The following BMP1 variants were observed in gnomAD, a reference collection of about 807,000 sequenced individuals.
BMP1 encodes the protein bone morphogenetic protein 1.
Under a neutral mutation model 116.8 loss-of-function variants are expected in BMP1, and 63 were observed. The ratio of observed to expected loss-of-function variants is 0.54; its 90% CI spans 0.44 to 0.67. The LOEUF is 0.67. Ranked by LOEUF, BMP1 falls within the 30% of genes least tolerant of loss-of-function variation. The pLI, the probability that BMP1 is intolerant of heterozygous loss-of-function variation, is 0.00. For missense variants in BMP1, 1,183 were observed against 1,358.9 expected (o/e 0.87, Z 2.04); for synonymous variants, 536 against 533.4 (o/e 1.00, Z -0.07).
At chr8:22,211,463 C>G in intron 19 of BMP1, 131 bp from the exon 20 acceptor site, 1 of 1,303,480 alleles carries the variant, frequency 7.7e-7, no homozygotes. Context: ...AAGCCCTATG[C>G]TTCAAGGGGC....
chr8:22,171,210 G>A (rs1332402103), intron 1 of BMP1: 1 of 152,200 alleles, frequency 6.6e-6, no homozygotes, highest in South Asian at 2.1e-4. Flanking sequence ...CTTACTGGCT[G>A]GTGACCTTGA....
At chr8:22,177,244 G>C (rs979045870) in intron 5 of BMP1, 105 bp downstream of exon 5, 6 of 1,226,658 alleles carry the variant, frequency 4.9e-6, no homozygotes, top group Admixed American at 2.5e-5. Context: ...AGCCGTCATC[G>C]CCTGGGCCCG....
At position 22,194,634 on chromosome 8, in the gene BMP1, G is replaced by A; in HGVS notation, c.1443+44G>A. 1 of 1,608,174 alleles carries A rather than the reference G, an allele frequency of 6.2e-7. No homozygotes were observed. Among genetic ancestry groups the A allele is most frequent in the Non-Finnish European group, 8.5e-7 (1 of 1,176,078 alleles). On this transcript the variant is annotated intron_variant, in intron 11 of 19. Coordinates refer to ENST00000306385, the MANE Select transcript of BMP1 (RefSeq NM_006129.5). The surrounding 1 kb of genome is among the most constrained non-coding windows in gnomAD (Gnocchi z 4.5). Reference sequence around the variant, plus strand: ...GATCTGACCTTTGAATCCAGCAGTTGCTCCCTGGGACAGCTGCCTCTCTTT... The same window carrying A: ...GATCTGACCTTTGAATCCAGCAGTTACTCCCTGGGACAGCTGCCTCTCTTT...
chr8:22,187,449 G>A (rs1828805764), intron 8 of BMP1, among the ~76,000 whole-genome samples: 1 of 150,408 alleles, frequency 6.6e-6, no homozygotes, highest in South Asian at 2.1e-4. Flanking sequence ...TCCTGCCTCA[G>A]CCTCCTCAGT....
chr8:22,199,002 C>T (rs1447651051), intron 15 of BMP1: 2 of 1,315,002 alleles, frequency 1.5e-6, no homozygotes, highest in East Asian at 4.7e-5. Flanking sequence ...TCGTCTCTTC[C>T]TGCCCTTCTG....
intron 13 of BMP1, 89 bp from the exon 14 acceptor site, chr8:22,196,591 C>T (rs1269821818): frequency 6.3e-7 from 1 of 1,582,652 alleles, no homozygotes. Flanking sequence ...GGCTCCCCAT[C>T]TTCTCCTTAC....
At position 22,185,550 on chromosome 8, in the gene BMP1, T is replaced by C. The variant is rs537981628; in HGVS notation, c.1077+5067T>C. Among the ~76,000 whole-genome samples the C allele has an allele frequency of 3.9e-5, 6 of 152,288 alleles. No individual in the cohort carries two copies. In the East Asian group the frequency reaches 1.2e-3, roughly 29 times the overall value. On this transcript the variant is annotated intron_variant, in intron 8 of 19. Transcript: ENST00000306385. ...AGAGGAGCCAAGAAGATAAGAACTTTTGGAGCTGGCAATATCCGCCCTCAT... is the reference window on the plus strand; with the variant it reads ...AGAGGAGCCAAGAAGATAAGAACTTCTGGAGCTGGCAATATCCGCCCTCAT...
At chr8:22,184,063 A>T (rs944517662) in intron 8 of BMP1, among the ~76,000 whole-genome samples, 24 of 152,250 alleles carry the variant, frequency 1.6e-4, no homozygotes, top group African/African-American at 5.5e-4. Flanking sequence ...TGTGTTCTAA[A>T]GCCCTGCTGC....
chr8:22,178,116 C>T (rs1227195169), intron 6 of BMP1, among the ~76,000 whole-genome samples, 159 bp downstream of exon 6: 3 of 152,172 alleles, frequency 2.0e-5, no homozygotes, highest in African/African-American at 7.2e-5. Context: ...GTGGATGTTG[C>T]CTGCCCTCCT....
At chr8:22,202,439 TGGCTCACC>T (rs1476792748) in intron 16 of BMP1, among the ~76,000 whole-genome samples, 1 of 152,250 alleles carries the variant, frequency 6.6e-6, no homozygotes, top group Non-Finnish European at 1.5e-5. Context: ...AAGCAGGGCC[TGGCTCACC>T]GCAAGCACAA....
chr8:22,207,447 C>T lies in BMP1; in HGVS notation c.2506C>T (p.Arg836Cys), dbSNP rs202166852. The change falls in exon 18 of 20, where the codon CGC becomes TGC. Residue 836 changes from arginine (R) to cysteine (C), a missense_variant. Around this residue, in one of 4 missense-constraint regions of BMP1, gnomAD observed 956 missense variants for 1,135.2 expected, o/e 0.84. Coordinates refer to ENST00000306385, the MANE Select transcript of BMP1 (RefSeq NM_006129.5). Reference protein sequence around the residue: ...KPEPVLATGSRMFLRFYSDNS... With the variant: ...KPEPVLATGSCMFLRFYSDNS... ...CGAGCCCGTCCTGGCCACAGGCAGC[C>T]GCATGTTCCTGCGCTTCTACTCAGA... The T allele has an allele frequency of 3.0e-5, 48 of 1,614,152 alleles. 1 individual carries two copies. Among genetic ancestry groups the T allele is most frequent in the East Asian group, 1.6e-4 (7 of 44,888 alleles).
At chr8:22,188,357 A>T (rs1352053473) in intron 8 of BMP1, among the ~76,000 whole-genome samples, 3 of 151,966 alleles carry the variant, frequency 2.0e-5, no homozygotes, top group Non-Finnish European at 4.4e-5. Context: ...TTTTGTAGAG[A>T]TGGGGTCTCA....
At position 22,179,658 on chromosome 8, in the gene BMP1, C is replaced by T; in HGVS notation, c.837-47C>T. ...GATGGGCATGCCACCCACTCCCTGC[C>T]CACTGTCCATGAGACGCTCACCCTT... is the stretch of plus-strand genomic sequence containing the variant. On this transcript the variant is annotated intron_variant, in intron 6 of 19. Transcript: ENST00000306385. The surrounding 1 kb of genome is among the most constrained non-coding windows in gnomAD (Gnocchi z 4.6). 1.9e-6 allele frequency: 3 copies of T among 1,610,998 alleles called. No homozygotes were observed. The highest frequency in any genetic ancestry group is 2.5e-6 in the Non-Finnish European group (3 of 1,178,310).
chr8:22,179,686 T>C lies in BMP1; in HGVS notation c.837-19T>C. 6.2e-7 allele frequency: 1 copy of C among 1,613,330 alleles called. No homozygotes were observed. The highest frequency in any genetic ancestry group is 8.5e-7 in the Non-Finnish European group (1 of 1,179,544). The stretch of plus-strand genomic sequence containing the variant: ...CTGTCCATGAGACGCTCACCCTTAC[T>C]TTTCTCCCTCTTCTTCAGGGGCATC... On this transcript the variant is annotated intron_variant, in intron 6 of 19. Transcript: ENST00000306385. This position sits in a 1 kb window ranked among gnomAD's most constrained non-coding sequence, Gnocchi z 4.6.
intron 16 of BMP1, among the ~76,000 whole-genome samples, chr8:22,205,467 G>A (rs1365467160): frequency 6.6e-6 from 1 of 152,146 alleles, no homozygotes; most frequent in Non-Finnish European, 1.5e-5. Flanking sequence ...TCAAGACCCT[G>A]GAGGTCTCTC....
intron 1 of BMP1, among the ~76,000 whole-genome samples, 153 bp downstream of exon 1, chr8:22,165,706 G>A (rs910215215): frequency 3.3e-5 from 5 of 151,996 alleles, no homozygotes; most frequent in Non-Finnish European, 7.4e-5. Context: ...GGAGAGGGAG[G>A]GGGATTTGGG....
chr8:22,175,124 G>A (rs922481197), intron 2 of BMP1, among the ~76,000 whole-genome samples: 9 of 152,168 alleles, frequency 5.9e-5, no homozygotes, highest in African/African-American at 2.2e-4. Flanking sequence ...GGGACTAGTA[G>A]GTATGGCACA....
At chr8:22,196,953 T>C in intron 14 of BMP1, 113 bp downstream of exon 14, 1 of 1,352,744 alleles carries the variant, frequency 7.4e-7, no homozygotes, top group Non-Finnish European at 9.9e-7. Context: ...ACTCTGCAAA[T>C]ATCGAGGAGA....
chr8:22,166,621 C>CTT (rs994275084), intron 1 of BMP1, among the ~76,000 whole-genome samples: 6 of 152,286 alleles, frequency 3.9e-5, no homozygotes, highest in African/African-American at 1.4e-4. Context: ...GGCATAGTTG[C>CTT]TAGAACTGGA....
Sources: allele counts gnomAD v4.1 joint callset (sites outside exome capture counted in the v4.1 genomes callset), GRCh38; gene constraint gnomAD v4.1.1; regional missense constraint gnomAD v4.1.1; non-coding constraint Gnocchi (gnomAD v3.1); transcripts MANE v1.5; gene names NCBI Gene and HGNC (gene_info 2026-07-23, HGNC 2026-07-21).